The following RGS7 variants were observed in gnomAD, a reference collection of about 807,000 sequenced individuals.
RGS7 encodes regulator of G protein signaling 7.
RGS7 carries 27 observed loss-of-function variants against 81.1 expected under a neutral mutation model. The observed-to-expected ratio is 0.33, with a 90% CI of 0.25 to 0.46. The LOEUF is 0.46. Among genes scored for constraint, RGS7 ranks in the 20% least tolerant of loss-of-function variants. The pLI, the probability that RGS7 is intolerant of heterozygous loss-of-function variation, is 1.00. For missense variants in RGS7, 396 were observed against 607.4 expected (o/e 0.65, Z 3.66); for synonymous variants, 208 against 207.7 (o/e 1.00, Z -0.01).
At chr1:240,867,540 A>G (rs1179058329) in intron 9 of RGS7, among the ~76,000 whole-genome samples, 1 of 152,176 alleles carries the variant, frequency 6.6e-6, no homozygotes, top group Non-Finnish European at 1.5e-5. Flanking sequence ...ATATTCATTA[A>G]TATTACTCTG....
At chr1:240,951,012 C>T (rs550087786) in intron 4 of RGS7, among the ~76,000 whole-genome samples, 5 of 151,998 alleles carry the variant, frequency 3.3e-5, no homozygotes, top group African/African-American at 1.2e-4. Context: ...GCCTCGACCT[C>T]CCAGGCTCAA....
At chr1:241,173,197 C>T (rs1302659838) in intron 2 of RGS7, among the ~76,000 whole-genome samples, 1 of 152,080 alleles carries the variant, frequency 6.6e-6, no homozygotes, top group African/African-American at 2.4e-5. Flanking sequence ...GGATCTGAGC[C>T]CTACTCTGTG....
chr1:241,190,141 T>C (rs999143638), intron 2 of RGS7, among the ~76,000 whole-genome samples: 1 of 152,134 alleles, frequency 6.6e-6, no homozygotes, highest in African/African-American at 2.4e-5. Flanking sequence ...ATGGGTATAC[T>C]TCCACACCAT....
chr1:240,817,119 C>T (rs1441820366), intron 10 of RGS7, among the ~76,000 whole-genome samples: 1 of 152,112 alleles, frequency 6.6e-6, no homozygotes, highest in Non-Finnish European at 1.5e-5. Context: ...AGGCCCATTG[C>T]TTAGTAAGTA....
At chr1:241,171,273 A>T (rs900753827) in intron 2 of RGS7, among the ~76,000 whole-genome samples, 1 of 151,800 alleles carries the variant, frequency 6.6e-6, no homozygotes, top group South Asian at 2.1e-4. Context: ...CCAACATACT[A>T]AAAAAAAATC....
intron 5 of RGS7, among the ~76,000 whole-genome samples, chr1:240,932,513 C>CTTTTTTTTTTTT (rs56232293): frequency 8.7e-5 from 11 of 126,876 alleles, no homozygotes; most frequent in African/African-American, 2.7e-4. Context: ...TAGGGTGTCA[C>CTTTTTTTTTTTT]TTTTTTTTTT....
At chr1:240,898,980 A>C (rs1341837245) in intron 6 of RGS7, among the ~76,000 whole-genome samples, 1 of 152,128 alleles carries the variant, frequency 6.6e-6, no homozygotes, top group South Asian at 2.1e-4. Context: ...TATTGGGTGC[A>C]TATATATTTA....
At chr1:241,095,029 T>C (rs2064149144) in intron 3 of RGS7, among the ~76,000 whole-genome samples, 1 of 152,124 alleles carries the variant, frequency 6.6e-6, no homozygotes, top group African/African-American at 2.4e-5. Flanking sequence ...CTTCCCCAAG[T>C]AAAATTTTTT....
chr1:241,221,179 AGAAAGAG>A (rs966521730), intron 2 of RGS7, among the ~76,000 whole-genome samples: 11 of 146,058 alleles, frequency 7.5e-5, no homozygotes, highest in African/African-American at 2.4e-4. Context: ...AGGGGAAAAA[AGAAAGAG>A]AGAAAGAAAG....
intron 3 of RGS7, among the ~76,000 whole-genome samples, chr1:241,002,752 C>T (rs2058466284): frequency 6.6e-6 from 1 of 152,030 alleles, no homozygotes; most frequent in Admixed American, 6.6e-5. Context: ...ACAAAGAGAC[C>T]AGAAAACCAA....
chr1:241,136,485 C>T (rs1265153998), intron 2 of RGS7, among the ~76,000 whole-genome samples: 1 of 152,132 alleles, frequency 6.6e-6, no homozygotes. Flanking sequence ...GAGTGTCACT[C>T]TGGAGCACTC....
At chr1:241,034,968 G>A (rs596695) in intron 3 of RGS7, among the ~76,000 whole-genome samples, 62,119 of 151,846 alleles carry the variant, frequency 0.41, 13,047 homozygotes, top group Middle Eastern at 0.47. Context: ...ACTTCTTCTC[G>A]TATTTAAGAT....
chr1:241,036,888 T>G (rs1281777918), intron 3 of RGS7, among the ~76,000 whole-genome samples: 1 of 152,148 alleles, frequency 6.6e-6, no homozygotes, highest in Non-Finnish European at 1.5e-5. Context: ...TATTTTTGCC[T>G]GTTGCACTCC....
At chr1:240,783,271 T>C (rs1356087698) in intron 18 of RGS7, among the ~76,000 whole-genome samples, 3 of 152,194 alleles carry the variant, frequency 2.0e-5, no homozygotes, top group Non-Finnish European at 4.4e-5. Context: ...CCTATGTATT[T>C]GTCCTTAACT....
At chr1:240,893,516 A>G (rs1558425790) in intron 6 of RGS7, among the ~76,000 whole-genome samples, 1 of 152,146 alleles carries the variant, frequency 6.6e-6, no homozygotes, top group Admixed American at 6.6e-5. Context: ...TCTGAAAATT[A>G]TTTAGGAATA....
At chr1:240,927,068 T>C (rs569334254) in intron 6 of RGS7, among the ~76,000 whole-genome samples, 1 of 151,294 alleles carries the variant, frequency 6.6e-6, no homozygotes, top group African/African-American at 2.5e-5. Flanking sequence ...TTGTTTTGTT[T>C]TGTTTTGTTT....
intron 3 of RGS7, among the ~76,000 whole-genome samples, chr1:241,010,001 A>T (rs1417794459): frequency 6.6e-6 from 1 of 152,082 alleles, no homozygotes; most frequent in Non-Finnish European, 1.5e-5. Flanking sequence ...ACATGGACAC[A>T]GGGAGGGGAA....
Position 240,903,903 on chromosome 1 carries a change from A to G in RGS7, c.385+26814T>C, listed in dbSNP as rs539398851. On this transcript the variant is annotated intron_variant, in intron 6 of 18. Coordinates refer to ENST00000440928, the MANE Select transcript of RGS7 (RefSeq NM_001364886.1). ...TCCTTCACCTTCTCCCATGAGAGGA[A>G]GCAGCCTGAGGGCCTCACCAGAAGC... 3.3e-5 allele frequency among the ~76,000 whole-genome samples: 5 copies of G among 152,324 alleles called. No individual in the cohort carries two copies. In the South Asian group the frequency reaches 8.3e-4, roughly 25 times the overall value.
At chr1:240,829,822 T>C (rs1335367369) in intron 9 of RGS7, among the ~76,000 whole-genome samples, 1 of 152,072 alleles carries the variant, frequency 6.6e-6, no homozygotes, top group Non-Finnish European at 1.5e-5. Context: ...TTCTTTTTTT[T>C]AAAGAGCCAA....
Sources: gnomAD v4.1 joint callset for allele counts (sites outside exome capture counted in the v4.1 genomes callset) on GRCh38, gnomAD v4.1.1 for gene constraint, MANE v1.5 for transcripts, NCBI Gene and HGNC (gene_info 2026-07-23, HGNC 2026-07-21) for gene names.